The following CFAP46 variants were observed in gnomAD, a reference collection of about 807,000 sequenced individuals.
CFAP46 encodes the protein cilia and flagella associated protein 46, also known as cilia- and flagella-associated protein 46.
Under a neutral mutation model 325.7 loss-of-function variants are expected in CFAP46, and 245 were observed. The observed-to-expected ratio is 0.75, with a 90% CI of 0.68 to 0.84. The LOEUF (loss-of-function observed/expected upper bound fraction) is 0.84, where lower values mean the gene tolerates loss of function less well. CFAP46 is among the 40% of genes least tolerant of loss of function. CFAP46 has a pLI of 0.00. For missense variants in CFAP46, 3,346 were observed against 3,543.0 expected (o/e 0.94, Z 1.41); for synonymous variants, 1,523 against 1,495.9 (o/e 1.02, Z -0.42).
Position 132,926,651 on chromosome 10 carries a change from T to A in CFAP46, c.982A>T (p.Ile328Phe), listed in dbSNP as rs1849815976. 4.6e-6 allele frequency: 7 copies of A among 1,536,090 alleles called. No individual in the cohort carries two copies. The highest frequency in any genetic ancestry group is 6.1e-6 in the Non-Finnish European group (7 of 1,146,748). Reference protein sequence around the residue: ...KMESKDPGKLIEMECLECESE... With the variant: ...KMESKDPGKLFEMECLECESE... ...TCACACTCCAGACATTCCATTTCAA[T>A]AAGCTTCCCAGGATCCTGCAGATAT... Residue 328 changes from isoleucine to phenylalanine, a missense_variant, in exon 10 of 58, where the codon ATT becomes TTT. Transcript: ENST00000368586.
intron 28 of CFAP46, 31 bp from the exon 29 acceptor site, chr10:132,879,662 A>G (rs1358815838): frequency 1.4e-6 from 2 of 1,473,826 alleles, no homozygotes; most frequent in Non-Finnish European, 1.8e-6. Flanking sequence ...GGCTGAGAGC[A>G]GGCCCGGCTA....
intron 33 of CFAP46, among the ~76,000 whole-genome samples, chr10:132,868,400 C>G (rs185384488): frequency 6.6e-6 from 1 of 152,246 alleles, no homozygotes; most frequent in Non-Finnish European, 1.5e-5. Context: ...CACTGCTCCA[C>G]GTCCCTTATA....
At chr10:132,849,404 C>T (rs1848497317) in intron 41 of CFAP46, among the ~76,000 whole-genome samples, 1 of 152,068 alleles carries the variant, frequency 6.6e-6, no homozygotes, top group Non-Finnish European at 1.5e-5. Flanking sequence ...GGGCATGGAG[C>T]CAGGCACATA....
At chr10:132,874,971 A>C (rs1848939671) in intron 31 of CFAP46, among the ~76,000 whole-genome samples, 1 of 152,232 alleles carries the variant, frequency 6.6e-6, no homozygotes, top group African/African-American at 2.4e-5. Context: ...CTAAAAAAGA[A>C]AAATGTGTTT....
intron 57 of CFAP46, among the ~76,000 whole-genome samples, chr10:132,810,196 G>A (rs1037015505): frequency 2.0e-5 from 3 of 152,202 alleles, no homozygotes; most frequent in Admixed American, 6.5e-5. Context: ...GTCGCGCCAC[G>A]GTGGGGGGCT....
chr10:132,825,027 CTG>C lies in CFAP46; in HGVS notation c.7117+8329_7117+8330del, dbSNP rs373842880. 3.2e-3 allele frequency among the ~76,000 whole-genome samples: 377 copies of C among 119,318 alleles called. 4 individuals are homozygous for C. The South Asian group carries it at 0.051, about 16-fold the overall frequency. The allele number at this position is 119,318 out of a possible 152,430, so 78.3% of individuals were successfully genotyped here. A position where few individuals can be genotyped will look rare whatever the true frequency, so the allele number is the denominator to read the frequency against. ...TGTGTGCTGATGTGTGCACTGTGTG[CTG>C]TGTGTGTGGTGATGTGTGCTGTGTG... is the stretch of plus-strand genomic sequence containing the variant. On this transcript the variant is annotated intron_variant, in intron 50 of 57. Coordinates refer to ENST00000368586, the MANE Select transcript of CFAP46 (RefSeq NM_001200049.3).
At chr10:132,821,854 T>A (rs1847843904) in intron 50 of CFAP46, among the ~76,000 whole-genome samples, 1 of 145,642 alleles carries the variant, frequency 6.9e-6, no homozygotes, top group Non-Finnish European at 1.5e-5. Flanking sequence ...TGAGCGCTGA[T>A]GTGTGCTGTG....
At chr10:132,858,949 T>C in intron 38 of CFAP46, 122 bp downstream of exon 38, 1 of 976,070 alleles carries the variant, frequency 1.0e-6, no homozygotes, top group Non-Finnish European at 1.5e-6. Flanking sequence ...CAGGGGAGGG[T>C]CCTGTGGACC....
intron 57 of CFAP46, among the ~76,000 whole-genome samples, chr10:132,809,307 C>T (rs964287876): frequency 2.6e-5 from 4 of 152,156 alleles, no homozygotes; most frequent in African/African-American, 4.8e-5. Flanking sequence ...TGCAGGTCAT[C>T]GCTGAGCAGC....
intron 25 of CFAP46, among the ~76,000 whole-genome samples, chr10:132,890,969 AT>A (rs964521721): frequency 5.9e-5 from 9 of 152,036 alleles, no homozygotes; most frequent in Admixed American, 1.3e-4. Flanking sequence ...AACAGGGATA[AT>A]TTTTTTTAGC....
intron 19 of CFAP46, among the ~76,000 whole-genome samples, chr10:132,911,454 C>G (rs1417638283): frequency 6.6e-6 from 1 of 152,160 alleles, no homozygotes; most frequent in Non-Finnish European, 1.5e-5. Flanking sequence ...GGGGACAGCT[C>G]CCCCGCCCCG....
chr10:132,815,537 C>T (rs180822261), intron 50 of CFAP46, among the ~76,000 whole-genome samples: 1 of 152,314 alleles, frequency 6.6e-6, no homozygotes, highest in East Asian at 1.9e-4. Context: ...GTTCCTGGCT[C>T]ACGAAGTAAA....
At chr10:132,837,151 C>G in intron 44 of CFAP46, 2 of 506,322 alleles carry the variant, frequency 4.0e-6, no homozygotes, top group Non-Finnish European at 3.5e-6. Context: ...CATTTCTCTC[C>G]GGTTGTTAAT....
At chr10:132,930,418 T>C (rs1379525227) in intron 8 of CFAP46, among the ~76,000 whole-genome samples, 2 of 134,260 alleles carry the variant, frequency 1.5e-5, no homozygotes, top group Admixed American at 7.7e-5. Flanking sequence ...GCCTGAGCCT[T>C]CCTTCTTCCC....
At chr10:132,932,685 G>A (rs940716012) in intron 8 of CFAP46, among the ~76,000 whole-genome samples, 2 of 142,090 alleles carry the variant, frequency 1.4e-5, no homozygotes, top group Non-Finnish European at 3.1e-5. Flanking sequence ...TAGGCGTGCC[G>A]CCAACCGCAC....
Position 132,872,667 on chromosome 10 carries a change from T to C in CFAP46, c.4511+9A>G. ...GGAAATCACACTCCGAAAAAGGAGC[T>C]GTACCCACCGAAGGTGGTAGAGATC... On this transcript the variant is annotated intron_variant, in intron 32 of 57. Coordinates refer to ENST00000368586, the MANE Select transcript of CFAP46 (RefSeq NM_001200049.3). 1 of 1,550,592 alleles carries C rather than the reference T, an allele frequency of 6.4e-7. No individual in the cohort carries two copies. The highest frequency in any genetic ancestry group is 1.4e-5 in the African/African-American group (1 of 73,184).
chr10:132,864,756 CCCTG>C (rs1465010413), intron 35 of CFAP46, among the ~76,000 whole-genome samples: 2 of 136,182 alleles, frequency 1.5e-5, no homozygotes, highest in Non-Finnish European at 3.1e-5. Flanking sequence ...ACTCCTCTCC[CCCTG>C]CCTGAGACCT....
chr10:132,924,735 G>T lies in CFAP46; in HGVS notation c.1217C>A (p.Pro406His). Residue 406 changes from proline to histidine, a missense_variant, in exon 11 of 58, where the codon CCC (proline) becomes CAC (histidine). Physicochemically the swap from Pro to His is moderately conservative, Grantham distance 77 (BLOSUM62 -2). Coordinates refer to ENST00000368586, the MANE Select transcript of CFAP46 (RefSeq NM_001200049.3). ...CAGCACGTCCGCAACGCCAGCCAGG[G>T]GCTTCCGCAGGTGGTGCCGCAGGTT... ...QHNLRHHLRK[P>H]LAGVADVLEK... 6.5e-7 allele frequency: 1 copy of T among 1,539,778 alleles called. No homozygotes were observed. Among genetic ancestry groups the T allele is most frequent in the Non-Finnish European group, 8.8e-7 (1 of 1,142,212 alleles).
intron 9 of CFAP46, among the ~76,000 whole-genome samples, chr10:132,928,401 T>TGC (rs938684067): frequency 6.6e-6 from 1 of 152,210 alleles, no homozygotes; most frequent in African/African-American, 2.4e-5. Context: ...CCATCCTCCG[T>TGC]GCGGCATGGG....
Sources: gnomAD v4.1 joint callset for allele counts (sites outside exome capture counted in the v4.1 genomes callset) on GRCh38, gnomAD v4.1.1 for gene constraint, MANE v1.5 for transcripts, NCBI Gene and HGNC (gene_info 2026-07-23, HGNC 2026-07-21) for gene names.